The following CENPW variants were observed in gnomAD, a reference collection of about 807,000 sequenced individuals.
CENPW encodes cancer-up-regulated gene 2 protein.
A neutral mutation model predicts 11.1 loss-of-function variants in CENPW; 3 were observed. The observed-to-expected ratio is 0.27, with a 90% CI of 0.12 to 0.70. CENPW has a LOEUF of 0.70. CENPW is among the 30% of genes least tolerant of loss of function. The pLI, the probability that CENPW is intolerant of heterozygous loss-of-function variation, is 0.77. For missense variants in CENPW, 100 were observed against 105.6 expected (o/e 0.95, Z 0.23); for synonymous variants, 38 against 42.0 (o/e 0.91, Z 0.37).
the CENPW span, among the ~76,000 whole-genome samples, chr6:126,384,119 A>G: frequency 6.6e-6 from 1 of 152,200 alleles, no homozygotes; most frequent in African/African-American, 2.4e-5. Context: ...ATGTAATTAC[A>G]TCAAAATTGA....
At chr6:126,421,242 C>G in the CENPW span, among the ~76,000 whole-genome samples, 1 of 152,060 alleles carries the variant, frequency 6.6e-6, no homozygotes, top group Non-Finnish European at 1.5e-5. Context: ...TTCATTAAAA[C>G]TTTTAGTATA....
chr6:126,459,224 A>G, the CENPW span, among the ~76,000 whole-genome samples: 11 of 151,458 alleles, frequency 7.3e-5, no homozygotes, highest in African/African-American at 2.7e-4. Context: ...TCATTACATG[A>G]AGAAACTTTG....
the CENPW span, among the ~76,000 whole-genome samples, chr6:126,362,676 A>G: frequency 2.0e-5 from 3 of 152,184 alleles, no homozygotes; most frequent in Non-Finnish European, 2.9e-5. Flanking sequence ...TTTTGCTTAT[A>G]TAAGAGCCCT....
At chr6:126,447,966 C>A in the CENPW span, among the ~76,000 whole-genome samples, 1 of 151,282 alleles carries the variant, frequency 6.6e-6, no homozygotes, top group East Asian at 1.9e-4. Flanking sequence ...ATGTATTATT[C>A]GCTTCCTGTT....
the CENPW span, among the ~76,000 whole-genome samples, chr6:126,454,746 G>T: frequency 6.6e-6 from 1 of 151,084 alleles, no homozygotes; most frequent in African/African-American, 2.4e-5. Flanking sequence ...AGGAAATTGA[G>T]ACACAAACAG....
chr6:126,463,740 C>T, the CENPW span, among the ~76,000 whole-genome samples: 1 of 151,952 alleles, frequency 6.6e-6, no homozygotes, highest in African/African-American at 2.4e-5. Context: ...CAAAAAGTCA[C>T]TCAAGAAGAA....
At chr6:126,366,373 T>G in the CENPW span, among the ~76,000 whole-genome samples, 2 of 152,202 alleles carry the variant, frequency 1.3e-5, no homozygotes, top group Non-Finnish European at 2.9e-5. Context: ...TTAGAAAATT[T>G]GTTGTAAGTT....
At chr6:126,452,518 G>A in the CENPW span, among the ~76,000 whole-genome samples, 1 of 151,098 alleles carries the variant, frequency 6.6e-6, no homozygotes, top group East Asian at 1.9e-4. Context: ...GGGGTCAAGA[G>A]CAGAATAAAG....
the CENPW span, among the ~76,000 whole-genome samples, chr6:126,370,683 T>C: frequency 6.6e-6 from 1 of 152,158 alleles, no homozygotes; most frequent in Non-Finnish European, 1.5e-5. Flanking sequence ...TAGAGTTTTC[T>C]AGGTATACGA....
the CENPW span, among the ~76,000 whole-genome samples, chr6:126,415,750 G>A: frequency 6.6e-6 from 1 of 152,150 alleles, no homozygotes; most frequent in African/African-American, 2.4e-5. Context: ...TCTCTTGTGT[G>A]CCACCATGTG....
chr6:126,367,589 G>A, the CENPW span, among the ~76,000 whole-genome samples: 1 of 152,152 alleles, frequency 6.6e-6, no homozygotes, highest in East Asian at 1.9e-4. Context: ...GGGTAGATAG[G>A]ATGAGATTGA....
the CENPW span, among the ~76,000 whole-genome samples, chr6:126,393,764 T>C: frequency 6.7e-6 from 1 of 149,338 alleles, no homozygotes; most frequent in Non-Finnish European, 1.5e-5. Flanking sequence ...ATAAAAATTA[T>C]ATGTGGATAT....
chr6:126,348,034 A>T (rs1241578912), intron 2 of CENPW, among the ~76,000 whole-genome samples: 1 of 151,978 alleles, frequency 6.6e-6, no homozygotes, highest in Non-Finnish European at 1.5e-5. Flanking sequence ...ATAGTTGTGA[A>T]ATGTCTGATT....
chr6:126,417,522 G>A, the CENPW span, among the ~76,000 whole-genome samples: 5 of 152,264 alleles, frequency 3.3e-5, no homozygotes, highest in South Asian at 4.1e-4. Flanking sequence ...CACATGTTGT[G>A]GGATGGGCCC....
the CENPW span, among the ~76,000 whole-genome samples, chr6:126,418,090 C>T: frequency 6.6e-6 from 1 of 152,240 alleles, no homozygotes; most frequent in Middle Eastern, 3.4e-3. Flanking sequence ...AAAAGATAGA[C>T]AATACCAAGT....
At chr6:126,391,049 C>T in the CENPW span, among the ~76,000 whole-genome samples, 1 of 151,954 alleles carries the variant, frequency 6.6e-6, no homozygotes, top group Non-Finnish European at 1.5e-5. Flanking sequence ...AACCTCCAAA[C>T]TGTTCTCCAT....
At chr6:126,416,237 T>C in the CENPW span, among the ~76,000 whole-genome samples, 1 of 152,054 alleles carries the variant, frequency 6.6e-6, no homozygotes. Context: ...ACGTTGAAAT[T>C]GAGAGAGATG....
the CENPW span, among the ~76,000 whole-genome samples, chr6:126,414,508 G>T: frequency 3.3e-5 from 5 of 152,162 alleles, no homozygotes; most frequent in South Asian, 1.0e-3. Flanking sequence ...ACTTTTGAAA[G>T]GTACAAATAT....
chr6:126,459,287 T>C, the CENPW span, among the ~76,000 whole-genome samples: 2 of 151,346 alleles, frequency 1.3e-5, no homozygotes, highest in Non-Finnish European at 3.0e-5. Context: ...TTTTAGAGAA[T>C]AGAAACTTTG....
Sources: allele counts gnomAD v4.1 joint callset (sites outside exome capture counted in the v4.1 genomes callset), GRCh38; gene constraint gnomAD v4.1.1; transcripts MANE v1.5; gene names NCBI Gene and HGNC (gene_info 2026-07-23, HGNC 2026-07-21).